Variants in CXADR observed in about 807,000 individuals in gnomAD.
CXADR encodes the protein coxsackievirus and adenovirus receptor.
Under a neutral mutation model 40.3 loss-of-function variants are expected in CXADR, and 20 were observed. That is an observed-to-expected ratio of 0.50 (90% CI 0.35 to 0.72). CXADR has a LOEUF of 0.72. Ranked by LOEUF, CXADR falls within the 30% of genes least tolerant of loss-of-function variation. The pLI is 0.01. For synonymous variants in CXADR, 150 were observed against 161.3 expected, an observed-to-expected ratio of 0.93 and a Z score of 0.53; for missense variants, 332 against 449.1, an observed-to-expected ratio of 0.74 and a Z score of 2.36.
rs949898956 is a variant in CXADR at position 17,568,544 on chromosome 21, A to G, written c.*2852A>G. 42 of 973,002 alleles carry G rather than the reference A, an allele frequency of 4.3e-5. No homozygotes were observed. The highest frequency in any genetic ancestry group is 7.2e-5 in the African/African-American group (4 of 55,562). The allele number at this position is 973,002 out of a possible 1,614,324, so 60.3% of individuals were successfully genotyped here. ...TTGAAGAGAAATGTTACTGTAGAAT[A>G]TATAGTTCTGTACTTTTTTTTTTTT... On this transcript the variant is annotated 3_prime_UTR_variant, in exon 7 of 7. Transcript: ENST00000284878.
chr21:17,536,695 A>G (rs2060762683), intron 1 of CXADR, among the ~76,000 whole-genome samples: 1 of 152,212 alleles, frequency 6.6e-6, no homozygotes. Context: ...GGAGGAAGCA[A>G]TTAACACTGC....
chr21:17,612,808 C>T, the CXADR span: 1 of 152,288 alleles, frequency 6.6e-6, no homozygotes, highest in African/African-American at 2.4e-5. Context: ...ACAGGGAGCG[C>T]AGCGAGCCTC....
At chr21:17,537,627 TC>T (rs1185072544) in intron 1 of CXADR, among the ~76,000 whole-genome samples, 6 of 152,172 alleles carry the variant, frequency 3.9e-5, no homozygotes, top group Non-Finnish European at 8.8e-5. Context: ...ACATCTAGTA[TC>T]TTTCTGGGAT....
At position 17,568,496 on chromosome 21, in the gene CXADR, C is replaced by A. The variant is rs376565983; in HGVS notation, c.*2804C>A. The stretch of plus-strand genomic sequence containing the variant: ...AACTGAGAGACTTGATACCATCCAT[C>A]TCTTTAGGTTACAGAGGATAATTTG... On this transcript the variant is annotated 3_prime_UTR_variant, in exon 7 of 7. Coordinates refer to ENST00000284878, the MANE Select transcript of CXADR (RefSeq NM_001338.5). 1.4e-4 allele frequency: 134 copies of A among 957,262 alleles called. No homozygotes were observed. In the African/African-American group the frequency reaches 2.8e-3, roughly 20 times the overall value. The allele number at this position is 957,262 out of a possible 1,614,324, so 59.3% of individuals were successfully genotyped here. A position where few individuals can be genotyped will look rare whatever the true frequency, so the allele number is the denominator to read the frequency against.
At chr21:17,596,363 T>C (rs1341945615), downstream of CXADR, among the ~76,000 whole-genome samples, 1 of 152,044 alleles carries the variant, frequency 6.6e-6, no homozygotes, top group Non-Finnish European at 1.5e-5. Flanking sequence ...TATTTGCCTG[T>C]CACAAAATAA....
chr21:17,529,857 A>G (rs1026788603), intron 1 of CXADR, among the ~76,000 whole-genome samples: 2 of 152,172 alleles, frequency 1.3e-5, no homozygotes, highest in African/African-American at 4.8e-5. Context: ...CATACCTAGC[A>G]ACCTGATCCG....
intron 1 of CXADR, among the ~76,000 whole-genome samples, chr21:17,534,583 G>C (rs74620383): frequency 0.025 from 3,766 of 152,168 alleles, 165 homozygotes; most frequent in African/African-American, 0.084. Context: ...GAAAGGAAAT[G>C]GTGCAAATAG....
chr21:17,578,005 A>T (rs771322654), intron 7 of CXADR, among the ~76,000 whole-genome samples: 7 of 152,028 alleles, frequency 4.6e-5, no homozygotes, highest in Non-Finnish European at 1.0e-4. Flanking sequence ...CATAGTATTT[A>T]GATACCATTT....
At position 17,591,474 on chromosome 21, in the gene CXADR, T is replaced by C. The variant is rs185577568; in HGVS notation, c.1018-1678T>C. On this transcript the variant is annotated intron_variant, in intron 7 of 7. Coordinates refer to the CXADR transcript ENST00000400169. ...ACCTCTGTTAGCTGAGAAGTCAACA[T>C]AAATGCTTTATTATCTTAACTTGGA... Among the ~76,000 whole-genome samples, 378 of 152,152 alleles carry C rather than the reference T, an allele frequency of 2.5e-3. 1 individual carries two copies. Among genetic ancestry groups the C allele is most frequent in the African/African-American group, 8.5e-3 (353 of 41,562 alleles).
chr21:17,591,254 T>C (rs2061432590), intron 7 of CXADR, among the ~76,000 whole-genome samples: 1 of 152,024 alleles, frequency 6.6e-6, no homozygotes, highest in Non-Finnish European at 1.5e-5. Flanking sequence ...GGAATCCTTA[T>C]CTAACTGGGA....
chr21:17,523,809 T>C (rs750077262), intron 1 of CXADR, among the ~76,000 whole-genome samples: 37 of 152,144 alleles, frequency 2.4e-4, no homozygotes, highest in Non-Finnish European at 3.5e-4. Context: ...AACCTAGTAA[T>C]CTAGAATAAT....
At chr21:17,632,984 T>C in the CXADR span, among the ~76,000 whole-genome samples, 2 of 152,200 alleles carry the variant, frequency 1.3e-5, no homozygotes, top group African/African-American at 4.8e-5. Context: ...TCTTATTCTC[T>C]AAACCTGTGC....
At chr21:17,519,185 C>G (rs759208026) in intron 1 of CXADR, among the ~76,000 whole-genome samples, 3 of 152,198 alleles carry the variant, frequency 2.0e-5, no homozygotes, top group Non-Finnish European at 2.9e-5. Flanking sequence ...GGGTCTCCAT[C>G]GATTACCAAC....
At chr21:17,593,263 A>G (rs2061458928) in exon 8 of CXADR, 2 of 1,282,660 alleles carry the variant, frequency 1.6e-6, no homozygotes, top group Admixed American at 3.8e-5. Context: ...TAAAGACTTA[A>G]ATGTTTTTTA....
At chr21:17,522,958 A>G (rs7283586) in intron 1 of CXADR, among the ~76,000 whole-genome samples, 3,089 of 152,300 alleles carry the variant, frequency 0.02, 110 homozygotes, top group African/African-American at 0.068. Context: ...ATGCCCAGGC[A>G]AAAATATGAA....
At chr21:17,574,958 T>C (rs1311615018), downstream of CXADR, among the ~76,000 whole-genome samples, 1 of 138,072 alleles carries the variant, frequency 7.2e-6, no homozygotes, top group Non-Finnish European at 1.5e-5. Flanking sequence ...AGTAGGGAAA[T>C]GGAAAAATAT....
the CXADR span, among the ~76,000 whole-genome samples, chr21:17,619,459 C>T: frequency 5.3e-5 from 8 of 152,108 alleles, no homozygotes; most frequent in African/African-American, 1.9e-4. Flanking sequence ...CATGGTGATG[C>T]ATGCCTGTAA....
chr21:17,559,540 A>C (rs1479958604), intron 4 of CXADR, among the ~76,000 whole-genome samples: 1 of 152,070 alleles, frequency 6.6e-6, no homozygotes, highest in African/African-American at 2.4e-5. Context: ...TCTACATAGA[A>C]TAATCAGGAT....
chr21:17,565,023 G>GAT (rs767694826), intron 6 of CXADR, among the ~76,000 whole-genome samples: 11 of 152,206 alleles, frequency 7.2e-5, no homozygotes, highest in Middle Eastern at 6.8e-3. Context: ...GTGTGATTAA[G>GAT]ATAGAAATAT....
Sources: allele counts gnomAD v4.1 joint callset (sites outside exome capture counted in the v4.1 genomes callset), GRCh38; gene constraint gnomAD v4.1.1; transcripts MANE v1.5; gene names NCBI Gene and HGNC (gene_info 2026-07-23, HGNC 2026-07-21).